The following ANKS1B variants were observed in gnomAD, a reference collection of about 807,000 sequenced individuals.
The protein encoded by ANKS1B is ankyrin repeat and sterile alpha motif domain-containing protein 1B.
ANKS1B carries 36 observed loss-of-function variants against 148.3 expected under a neutral mutation model. That is an observed-to-expected ratio of 0.24 (90% CI 0.19 to 0.32). ANKS1B has a LOEUF of 0.32. ANKS1B is among the 10% of genes least tolerant of loss of function. The pLI is 1.00. For missense variants in ANKS1B, 1,157 were observed against 1,542.6 expected (o/e 0.75, Z 4.19); for synonymous variants, 542 against 560.8 (o/e 0.97, Z 0.47).
At chr12:99,726,417 T>C (rs962718448) in intron 8 of ANKS1B, among the ~76,000 whole-genome samples, 1 of 152,026 alleles carries the variant, frequency 6.6e-6, no homozygotes, top group South Asian at 2.1e-4. Context: ...ACATACATCA[T>C]CCCAAAACTA....
intron 8 of ANKS1B, among the ~76,000 whole-genome samples, chr12:99,762,143 A>C (rs1018672447): frequency 3.0e-4 from 46 of 152,230 alleles, no homozygotes; most frequent in African/African-American, 9.6e-4. Flanking sequence ...TACAGATTGA[A>C]TGTATTCTTA....
intron 19 of ANKS1B, among the ~76,000 whole-genome samples, chr12:98,808,988 C>T (rs1444084602): frequency 1.3e-5 from 2 of 152,128 alleles, no homozygotes; most frequent in African/African-American, 2.4e-5. Flanking sequence ...GAAAAGAAGG[C>T]TTATCCCTAG....
At chr12:99,212,953 T>C (rs1492257) in intron 14 of ANKS1B, among the ~76,000 whole-genome samples, 20,129 of 152,222 alleles carry the variant, frequency 0.13, 1,482 homozygotes, top group South Asian at 0.25. Context: ...AAGATGAAGG[T>C]CCTTTCCCAG....
At chr12:99,932,675 AATCCCTTGTCAG>A (rs1399727061) in intron 1 of ANKS1B, among the ~76,000 whole-genome samples, 1 of 152,158 alleles carries the variant, frequency 6.6e-6, no homozygotes, top group Non-Finnish European at 1.5e-5. Flanking sequence ...TCTGGTTATT[AATCCCTTGTCAG>A]ATGGATAGTT....
intron 15 of ANKS1B, chr12:99,104,618 G>A (rs2058726821): frequency 6.6e-6 from 1 of 152,214 alleles, no homozygotes; most frequent in South Asian, 2.1e-4. Flanking sequence ...TAGGCAAATA[G>A]TGGATGCCAA....
At chr12:99,528,104 C>T (rs2096945553) in intron 9 of ANKS1B, among the ~76,000 whole-genome samples, 1 of 152,014 alleles carries the variant, frequency 6.6e-6, no homozygotes, top group Admixed American at 6.6e-5. Context: ...CCAAACCTGA[C>T]AAAAACAAGC....
At chr12:98,957,247 G>A (rs951559636) in intron 17 of ANKS1B, among the ~76,000 whole-genome samples, 6 of 152,010 alleles carry the variant, frequency 3.9e-5, no homozygotes, top group African/African-American at 7.2e-5. Context: ...TTAACTTGCT[G>A]CAGAGTGAGT....
chr12:99,963,867 T>C (rs1348387254), intron 1 of ANKS1B, among the ~76,000 whole-genome samples: 1 of 152,218 alleles, frequency 6.6e-6, no homozygotes, highest in African/African-American at 2.4e-5. Flanking sequence ...GAATATCATA[T>C]AACAAGAAAA....
chr12:99,543,659 A>G (rs2097147452), intron 9 of ANKS1B, among the ~76,000 whole-genome samples: 2 of 152,204 alleles, frequency 1.3e-5, no homozygotes, highest in Non-Finnish European at 2.9e-5. Context: ...ATATTTTACT[A>G]TATGGATAAA....
chr12:99,935,888 C>CACTGGATA (rs112847158), intron 1 of ANKS1B, among the ~76,000 whole-genome samples: 91,582 of 151,082 alleles, frequency 0.61, 28,901 homozygotes, highest in African/African-American at 0.7. Context: ...AAATACCTGA[C>CACTGGATA]ACTGGATAAT....
rs568506623 is a variant in ANKS1B, at chr12:98,969,509, T to TA, written c.2778+83647dup. Reference sequence around the variant, plus strand: ...GCTGTGCAAAAATTATATAATTATATAAAAAATATGAATTATATAAGTAAA... The same window carrying TA: ...GCTGTGCAAAAATTATATAATTATATAAAAAAATATGAATTATATAAGTAAA... On this transcript the variant is annotated intron_variant, in intron 17 of 26. Transcript: ENST00000683438. Among the ~76,000 whole-genome samples, 94 of 152,194 alleles carry TA rather than the reference T, an allele frequency of 6.2e-4. 1 individual carries two copies. The East Asian group carries it at 0.017, about 28-fold the overall frequency.
At chr12:99,588,587 A>T (rs2097667796) in intron 9 of ANKS1B, among the ~76,000 whole-genome samples, 1 of 152,004 alleles carries the variant, frequency 6.6e-6, no homozygotes, top group Non-Finnish European at 1.5e-5. Flanking sequence ...CGGCTAATTG[A>T]AAAAATGTAA....
At chr12:98,811,311 C>T (rs2099093730) in intron 19 of ANKS1B, among the ~76,000 whole-genome samples, 1 of 152,152 alleles carries the variant, frequency 6.6e-6, no homozygotes, top group Non-Finnish European at 1.5e-5. Flanking sequence ...CCCAGGGGGA[C>T]AAACATAACC....
chr12:99,254,381 T>C (rs903865904), intron 12 of ANKS1B, among the ~76,000 whole-genome samples: 6 of 152,228 alleles, frequency 3.9e-5, no homozygotes, highest in African/African-American at 1.2e-4. Flanking sequence ...CATTTCACTT[T>C]CATTATCTCA....
chr12:99,527,053 A>T (rs2096933704), intron 9 of ANKS1B, among the ~76,000 whole-genome samples: 2 of 152,176 alleles, frequency 1.3e-5, no homozygotes, highest in Non-Finnish European at 2.9e-5. Context: ...GGAATGGAAC[A>T]AATTCTCTCT....
At chr12:98,919,051 T>C (rs986441489) in intron 17 of ANKS1B, among the ~76,000 whole-genome samples, 4 of 152,236 alleles carry the variant, frequency 2.6e-5, no homozygotes, top group African/African-American at 9.6e-5. Context: ...TTTTTCAATA[T>C]ATTGATATTT....
intron 17 of ANKS1B, among the ~76,000 whole-genome samples, chr12:99,000,599 A>T (rs567161487): frequency 5.3e-5 from 8 of 152,274 alleles, no homozygotes; most frequent in African/African-American, 1.7e-4. Context: ...AAATTTTATT[A>T]TGCTGTGATA....
At chr12:99,136,147 TG>T (rs2067975591) in intron 15 of ANKS1B, among the ~76,000 whole-genome samples, 1 of 152,246 alleles carries the variant, frequency 6.6e-6, no homozygotes, top group South Asian at 2.1e-4. Flanking sequence ...ATAACTCTAA[TG>T]TTCCCAGTAA....
intron 19 of ANKS1B, among the ~76,000 whole-genome samples, chr12:98,810,400 A>G (rs545897340): frequency 6.6e-6 from 1 of 152,328 alleles, no homozygotes; most frequent in South Asian, 2.1e-4. Context: ...GAATATTCAC[A>G]GCTCTTGTAA....
Sources: allele counts gnomAD v4.1 joint callset (sites outside exome capture counted in the v4.1 genomes callset), GRCh38; gene constraint gnomAD v4.1.1; transcripts MANE v1.5; gene names NCBI Gene and HGNC (gene_info 2026-07-23, HGNC 2026-07-21).